Variants in NDUFAF6 observed in about 807,000 individuals in gnomAD.
NDUFAF6 encodes NADH:ubiquinone oxidoreductase complex assembly factor 6, also known as NADH dehydrogenase (ubiquinone) complex I, assembly factor 6.
In NDUFAF6, 45 loss-of-function variants were observed where a neutral mutation model predicts 40.8. The ratio of observed to expected loss-of-function variants is 1.10; its 90% CI spans 0.87 to 1.42. NDUFAF6 has a LOEUF of 1.42. Among genes scored for constraint, NDUFAF6 ranks in the 40% most tolerant of loss-of-function variants. NDUFAF6 has a pLI of 0.00. For missense variants in NDUFAF6, 435 were observed against 418.5 expected (o/e 1.04, Z -0.34); for synonymous variants, 185 against 155.9 (o/e 1.19, Z -1.39).
chr8:95,054,487 T>A (rs1004502744), intron 8 of NDUFAF6, among the ~76,000 whole-genome samples: 1 of 148,410 alleles, frequency 6.7e-6, no homozygotes, highest in African/African-American at 2.5e-5. Context: ...CAGGCTGGAG[T>A]GCAATGGCAT....
downstream of NDUFAF6, among the ~76,000 whole-genome samples, chr8:95,078,001 C>T (rs149108550): frequency 8.6e-5 from 13 of 151,944 alleles, no homozygotes; most frequent in African/African-American, 2.4e-4. Flanking sequence ...AGCTGAGAGC[C>T]GCGGAAGGAA....
intron 1 of NDUFAF6, among the ~76,000 whole-genome samples, chr8:94,968,108 G>C (rs531080092): frequency 6.6e-6 from 1 of 152,300 alleles, no homozygotes; most frequent in South Asian, 2.1e-4. Context: ...TCTCTACTGG[G>C]CTGGGAGTTG....
At chr8:94,918,345 A>T (rs1819273548) in intron 1 of NDUFAF6, among the ~76,000 whole-genome samples, 1 of 152,128 alleles carries the variant, frequency 6.6e-6, no homozygotes, top group Non-Finnish European at 1.5e-5. Context: ...AGTGCAGAGT[A>T]GGCCCTGGGA....
intron 1 of NDUFAF6, among the ~76,000 whole-genome samples, chr8:94,980,355 G>A (rs976303783): frequency 6.6e-6 from 1 of 151,356 alleles, no homozygotes; most frequent in Non-Finnish European, 1.5e-5. Context: ...AGGCTCAAAG[G>A]AGCTACTGGG....
chr8:94,904,468 G>T (rs181273639), intron 1 of NDUFAF6, among the ~76,000 whole-genome samples: 72 of 151,086 alleles, frequency 4.8e-4, no homozygotes, highest in African/African-American at 1.7e-3. Context: ...GAGCCACCGC[G>T]CCTGGCCTGA....
chr8:95,015,587 G>C (rs1012645269), intron 2 of NDUFAF6, among the ~76,000 whole-genome samples: 2 of 152,102 alleles, frequency 1.3e-5, no homozygotes, highest in Non-Finnish European at 2.9e-5. Flanking sequence ...TAAATGCAAT[G>C]GTTCTTCCTT....
At chr8:94,903,628 G>A (rs902159179) in intron 1 of NDUFAF6, among the ~76,000 whole-genome samples, 2 of 152,060 alleles carry the variant, frequency 1.3e-5, no homozygotes, top group African/African-American at 2.4e-5. Context: ...TCTTGGGTTC[G>A]GGGGGAGTTT....
At chr8:94,997,566 C>T (rs1045129245) in intron 2 of NDUFAF6, among the ~76,000 whole-genome samples, 7 of 152,120 alleles carry the variant, frequency 4.6e-5, no homozygotes, top group African/African-American at 1.7e-4. Flanking sequence ...ATCTCCACAG[C>T]CATTCTTGTT....
intron 2 of NDUFAF6, among the ~76,000 whole-genome samples, chr8:94,995,013 A>T (rs1391403583): frequency 6.6e-6 from 1 of 152,260 alleles, no homozygotes; most frequent in Non-Finnish European, 1.5e-5. Context: ...TCAAAGCAGG[A>T]TCTCAAAGAG....
intron 2 of NDUFAF6, among the ~76,000 whole-genome samples, chr8:94,981,193 G>A (rs1426240594): frequency 6.6e-6 from 1 of 152,184 alleles, no homozygotes; most frequent in East Asian, 1.9e-4. Flanking sequence ...TGTTCTCTCA[G>A]TTCTGGATTA....
chr8:94,967,248 C>T (rs1824080696), intron 1 of NDUFAF6, among the ~76,000 whole-genome samples: 1 of 152,180 alleles, frequency 6.6e-6, no homozygotes, highest in East Asian at 1.9e-4. Flanking sequence ...TTTGTTGGGG[C>T]TCTGGCTTTG....
At chr8:95,054,483 G>T (rs1158695729) in intron 8 of NDUFAF6, among the ~76,000 whole-genome samples, 1 of 151,128 alleles carries the variant, frequency 6.6e-6, no homozygotes, top group Non-Finnish European at 1.5e-5. Context: ...TGCTCAGGCT[G>T]GAGTGCAATG....
chr8:95,038,167 A>G (rs59279108), intron 3 of NDUFAF6, among the ~76,000 whole-genome samples: 4,696 of 152,132 alleles, frequency 0.031, 246 homozygotes, highest in African/African-American at 0.11. Flanking sequence ...GCCACTGTGC[A>G]TGGCCCACTT....
chr8:95,043,819 T>C (rs1206372733), intron 4 of NDUFAF6, among the ~76,000 whole-genome samples: 12 of 152,160 alleles, frequency 7.9e-5, no homozygotes, highest in African/African-American at 2.9e-4. Context: ...TTTGGAAAAA[T>C]AGTTTGGCAA....
chr8:94,985,896 C>T (rs527314220), intron 2 of NDUFAF6, among the ~76,000 whole-genome samples: 91 of 145,678 alleles, frequency 6.2e-4, no homozygotes, highest in African/African-American at 1.9e-3. Context: ...TTTTTTGAGA[C>T]GCAGTCTCAC....
At chr8:94,972,544 GT>G (rs1181749977) in intron 1 of NDUFAF6, among the ~76,000 whole-genome samples, 1 of 152,094 alleles carries the variant, frequency 6.6e-6, no homozygotes, top group Non-Finnish European at 1.5e-5. Flanking sequence ...CAGCCACAAT[GT>G]GATCTTTAAA....
At chr8:95,045,692 C>A (rs1192896770) in intron 5 of NDUFAF6, 45 bp downstream of exon 5, 5 of 1,463,774 alleles carry the variant, frequency 3.4e-6, no homozygotes, top group Admixed American at 3.4e-5. Context: ...CAATAAAATA[C>A]CTATGAGATT....
At chr8:94,956,105 GCC>G (rs1823047620), upstream of NDUFAF6, among the ~76,000 whole-genome samples, 1 of 152,184 alleles carries the variant, frequency 6.6e-6, no homozygotes, top group Non-Finnish European at 1.5e-5. Flanking sequence ...ACCTCTCTTA[GCC>G]TCCATTTCCT....
intron 1 of NDUFAF6, among the ~76,000 whole-genome samples, chr8:94,922,937 C>T (rs1488808248): frequency 1.3e-5 from 2 of 152,200 alleles, no homozygotes; most frequent in Non-Finnish European, 2.9e-5. Flanking sequence ...CTCGTACCCC[C>T]TCCATGTCTC....
Sources: allele counts gnomAD v4.1 joint callset (sites outside exome capture counted in the v4.1 genomes callset), GRCh38; gene constraint gnomAD v4.1.1; transcripts MANE v1.5; gene names NCBI Gene and HGNC (gene_info 2026-07-23, HGNC 2026-07-21).